Variants in TRDN observed in about 807,000 individuals in gnomAD.
TRDN encodes the protein triadin in skeletal muscle.
Under a neutral mutation model 149.7 loss-of-function variants are expected in TRDN, and 161 were observed. That is an observed-to-expected ratio of 1.08 (90% CI 0.95 to 1.23). The LOEUF (loss-of-function observed/expected upper bound fraction) is 1.23, where lower values mean the gene tolerates loss of function less well. TRDN is among the 50% of genes most tolerant of loss of function. The probability of loss-of-function intolerance (pLI) is 0.00; values close to 1 mark genes in which losing one functional copy is unlikely to be tolerated. For synonymous variants in TRDN, 294 were observed against 250.5 expected (o/e 1.17, Z -1.64); for missense variants, 896 against 823.5 (o/e 1.09, Z -1.08).
At chr6:123,339,463 A>G (rs1779990261) in intron 21 of TRDN, among the ~76,000 whole-genome samples, 1 of 152,174 alleles carries the variant, frequency 6.6e-6, no homozygotes, top group African/African-American at 2.4e-5. Flanking sequence ...TTTTGAAAGT[A>G]TTGTGTTTCA....
intron 38 of TRDN, among the ~76,000 whole-genome samples, chr6:123,234,678 A>G (rs1434016834): frequency 6.6e-6 from 1 of 152,160 alleles, no homozygotes; most frequent in African/African-American, 2.4e-5. Flanking sequence ...AAAATATGAT[A>G]GACTGAATAC....
At chr6:123,628,341 T>C (rs1175210735) in intron 1 of TRDN, among the ~76,000 whole-genome samples, 3 of 152,104 alleles carry the variant, frequency 2.0e-5, no homozygotes, top group Non-Finnish European at 2.9e-5. Context: ...GAAGGAGAGA[T>C]AGTGGGAATG....
chr6:123,609,637 GTTC>G (rs1784693435), intron 1 of TRDN, among the ~76,000 whole-genome samples: 1 of 152,078 alleles, frequency 6.6e-6, no homozygotes, highest in Admixed American at 6.6e-5. Flanking sequence ...TTCTCTCTTT[GTTC>G]TTCTCCAAAC....
At chr6:123,408,414 A>G (rs1399567342) in intron 12 of TRDN, among the ~76,000 whole-genome samples, 1 of 152,194 alleles carries the variant, frequency 6.6e-6, no homozygotes, top group Non-Finnish European at 1.5e-5. Context: ...ACGGTGGCTC[A>G]TGCCTGTAAT....
chr6:123,332,135 G>A (rs1229247802), intron 22 of TRDN, among the ~76,000 whole-genome samples: 1 of 151,916 alleles, frequency 6.6e-6, no homozygotes, highest in East Asian at 1.9e-4. Context: ...TTTTTCCTTG[G>A]CACAAACATA....
In TRDN at chr6:123,385,435, G is replaced by GA. The variant is rs1193940346; in HGVS notation, c.1135+3086dup. ...CGAGACTCCATCTCAAAAAAAAAAA[G>GA]AAAAAAAAAAACAGAAAGAAAATGA... On this transcript the variant is annotated intron_variant, in intron 14 of 40. Transcript: ENST00000334268. 2.8e-3 allele frequency among the ~76,000 whole-genome samples: 398 copies of GA among 141,712 alleles called. 2 individuals are homozygous for GA. The highest frequency in any genetic ancestry group is 6.7e-3 in the African/African-American group (262 of 39,044). The allele number at this position is 141,712 out of a possible 152,430, so 93.0% of individuals were successfully genotyped here.
intron 37 of TRDN, among the ~76,000 whole-genome samples, chr6:123,252,861 T>C (rs1028588344): frequency 2.6e-5 from 4 of 152,120 alleles, no homozygotes; most frequent in African/African-American, 9.7e-5. Flanking sequence ...TTCATCAAAG[T>C]GTCACAAAAT....
chr6:123,571,701 T>C (rs1178743776), intron 1 of TRDN, among the ~76,000 whole-genome samples: 2 of 152,164 alleles, frequency 1.3e-5, no homozygotes, highest in African/African-American at 2.4e-5. Context: ...CCACTGTTAA[T>C]ATTTTGCACG....
intron 2 of TRDN, among the ~76,000 whole-genome samples, chr6:123,549,041 G>T (rs548950215): frequency 6.6e-6 from 1 of 152,076 alleles, no homozygotes; most frequent in South Asian, 2.1e-4. Context: ...GTTGACTAAG[G>T]TAGTTGTGGC....
At chr6:123,559,596 C>G (rs916835700) in intron 2 of TRDN, among the ~76,000 whole-genome samples, 2 of 152,106 alleles carry the variant, frequency 1.3e-5, no homozygotes, top group African/African-American at 4.8e-5. Context: ...CCTAATCACC[C>G]TTACCCCAAT....
chr6:123,568,605 C>T (rs1473174139), intron 2 of TRDN, among the ~76,000 whole-genome samples: 1 of 152,220 alleles, frequency 6.6e-6, no homozygotes, highest in Non-Finnish European at 1.5e-5. Context: ...CTTAACATCA[C>T]ATGAAAGGCA....
At chr6:123,442,824 G>A (rs903353431) in intron 10 of TRDN, among the ~76,000 whole-genome samples, 1 of 151,814 alleles carries the variant, frequency 6.6e-6, no homozygotes, top group Non-Finnish European at 1.5e-5. Flanking sequence ...TTTGTATTAA[G>A]AAACTAAAGG....
chr6:123,299,419 A>G (rs1448291325), intron 24 of TRDN, among the ~76,000 whole-genome samples: 1 of 152,060 alleles, frequency 6.6e-6, no homozygotes, highest in Non-Finnish European at 1.5e-5. Flanking sequence ...TCTGAAACCA[A>G]GGAAATGAGA....
chr6:123,546,245 T>A (rs2114425536), intron 4 of TRDN, among the ~76,000 whole-genome samples: 1 of 152,258 alleles, frequency 6.6e-6, no homozygotes, highest in African/African-American at 2.4e-5. Context: ...CCTTCCTTTC[T>A]CCTCACAGAG....
chr6:123,581,616 G>T (rs1296143638), intron 1 of TRDN, among the ~76,000 whole-genome samples: 1 of 152,154 alleles, frequency 6.6e-6, no homozygotes, highest in Non-Finnish European at 1.5e-5. Flanking sequence ...AAGTAGCAAA[G>T]AAAACATTTT....
At chr6:123,294,244 TA>T (rs1778111592) in intron 24 of TRDN, among the ~76,000 whole-genome samples, 1 of 152,206 alleles carries the variant, frequency 6.6e-6, no homozygotes, top group Non-Finnish European at 1.5e-5. Context: ...GTTACATAGA[TA>T]TAACCAGGGC....
At chr6:123,361,203 TA>T (rs1277773382) in intron 20 of TRDN, among the ~76,000 whole-genome samples, 7 of 152,100 alleles carry the variant, frequency 4.6e-5, no homozygotes, top group African/African-American at 1.7e-4. Context: ...TATGCAGCCA[TA>T]AAAAAACGAT....
intron 12 of TRDN, among the ~76,000 whole-genome samples, chr6:123,399,700 C>T (rs1772882454): frequency 6.6e-6 from 1 of 152,124 alleles, no homozygotes; most frequent in Non-Finnish European, 1.5e-5. Context: ...TCTATAGCAA[C>T]TTTCTAAAAT....
intron 38 of TRDN, among the ~76,000 whole-genome samples, chr6:123,231,513 C>T (rs73771538): frequency 0.053 from 8,066 of 151,922 alleles, 636 homozygotes; most frequent in African/African-American, 0.19. Context: ...ATTGGGCTAG[C>T]ACCTACAATA....
Sources: allele counts gnomAD v4.1 joint callset (sites outside exome capture counted in the v4.1 genomes callset), GRCh38; gene constraint gnomAD v4.1.1; transcripts MANE v1.5; gene names NCBI Gene and HGNC (gene_info 2026-07-23, HGNC 2026-07-21).